TNFSF13B: variants seen among roughly 807,000 people sequenced by gnomAD.
TNFSF13B encodes the protein TNF superfamily member 13b, also known as tumor necrosis factor ligand superfamily member 13B.
Under a neutral mutation model 29.1 loss-of-function variants are expected in TNFSF13B, and 8 were observed. The ratio of observed to expected loss-of-function variants is 0.27; its 90% CI spans 0.16 to 0.50. TNFSF13B has a LOEUF of 0.50. Ranked by LOEUF, TNFSF13B falls within the 20% of genes least tolerant of loss-of-function variation. The pLI, the probability that TNFSF13B is intolerant of heterozygous loss-of-function variation, is 0.98. For synonymous variants in TNFSF13B, 125 were observed against 130.8 expected (o/e 0.96, Z 0.30); for missense variants, 248 against 334.9 (o/e 0.74, Z 2.03).
At chr13:108,282,550 G>T (rs111934182) in intron 2 of TNFSF13B, among the ~76,000 whole-genome samples, 3,109 of 152,138 alleles carry the variant, frequency 0.02, 40 homozygotes, top group Middle Eastern at 0.031. Context: ...GTGAAGTATT[G>T]AATTTTATTG....
chr13:108,275,317 GTCT>G (rs1880733626), intron 2 of TNFSF13B, among the ~76,000 whole-genome samples: 1 of 152,036 alleles, frequency 6.6e-6, no homozygotes, highest in Non-Finnish European at 1.5e-5. Context: ...AAAGATGAAT[GTCT>G]TTAGAGTCTA....
chr13:108,296,832 T>C (rs545610676), intron 3 of TNFSF13B, among the ~76,000 whole-genome samples: 1 of 145,848 alleles, frequency 6.9e-6, no homozygotes, highest in East Asian at 1.9e-4. Flanking sequence ...TTTATAACAA[T>C]GTGGTTTGAA....
intron 2 of TNFSF13B, 136 bp from the exon 3 acceptor site, chr13:108,286,667 A>G: frequency 2.3e-6 from 1 of 437,544 alleles, no homozygotes; most frequent in East Asian, 3.9e-5. Flanking sequence ...AGTAACTTTA[A>G]GAATAATGTC....
chr13:108,278,408 A>C (rs996753200), intron 2 of TNFSF13B, among the ~76,000 whole-genome samples: 1 of 152,034 alleles, frequency 6.6e-6, no homozygotes, highest in African/African-American at 2.4e-5. Flanking sequence ...CAAGGTAGAA[A>C]TAGGAAACAG....
intron 3 of TNFSF13B, 113 bp from the exon 4 acceptor site, chr13:108,303,140 T>C (rs1020110689): frequency 2.3e-5 from 17 of 755,248 alleles, no homozygotes; most frequent in Non-Finnish European, 3.3e-5. Flanking sequence ...TTTCTTTCTT[T>C]TTTTTTTAGG....
intron 2 of TNFSF13B, among the ~76,000 whole-genome samples, chr13:108,284,136 T>A (rs1247478249): frequency 1.3e-5 from 2 of 152,148 alleles, no homozygotes; most frequent in Non-Finnish European, 1.5e-5. Flanking sequence ...GAGACCATCC[T>A]GGCTAACACG....
chr13:108,270,783 A>G (rs1369219935), intron 2 of TNFSF13B, among the ~76,000 whole-genome samples: 3 of 152,202 alleles, frequency 2.0e-5, no homozygotes, highest in African/African-American at 2.4e-5. Context: ...AAAATAAAAA[A>G]AAGCATTACA....
At position 108,293,079 on chromosome 13, in the gene TNFSF13B, AT is replaced by A. The variant is rs572256413; in HGVS notation, c.481+6224del. On this transcript the variant is annotated intron_variant, in intron 3 of 5. Coordinates refer to ENST00000375887, the MANE Select transcript of TNFSF13B (RefSeq NM_006573.5). Reference sequence around the variant, plus strand: ...TGTCTTATATTTAGGTAATTAATCTATTTTAATTCATTTTTGTATATGGTGT... The same window carrying A: ...TGTCTTATATTTAGGTAATTAATCTATTTAATTCATTTTTGTATATGGTGT... Among the ~76,000 whole-genome samples the A allele has an allele frequency of 1.9e-3, 283 of 152,194 alleles. 2 individuals carry two copies. The highest frequency in any genetic ancestry group is 5.7e-3 in the Admixed American group (87 of 15,290).
rs1221655581 is a variant in TNFSF13B, at chr13:108,292,987, G to T, written c.481+6128G>T. Among the ~76,000 whole-genome samples, 3 of 152,170 alleles carry T rather than the reference G, an allele frequency of 2.0e-5. No individual in the cohort carries two copies. In the East Asian group the frequency reaches 5.8e-4, roughly 29 times the overall value. On this transcript the variant is annotated intron_variant, in intron 3 of 5. Transcript: ENST00000375887. ...TTGTGATTTTAGTGTTATCATTGAAGAACTCATTGCCAAATTCAACATCAT... is the reference window on the plus strand; with the variant it reads ...TTGTGATTTTAGTGTTATCATTGAATAACTCATTGCCAAATTCAACATCAT...
chr13:108,299,107 A>T (rs1354197134), intron 3 of TNFSF13B, among the ~76,000 whole-genome samples: 2 of 146,482 alleles, frequency 1.4e-5, no homozygotes, highest in Admixed American at 1.3e-4. Flanking sequence ...TTAGTTCTTT[A>T]AATCTTTTAC....
chr13:108,294,384 T>A (rs1422592936), intron 3 of TNFSF13B, among the ~76,000 whole-genome samples: 1 of 151,988 alleles, frequency 6.6e-6, no homozygotes, highest in Non-Finnish European at 1.5e-5. Context: ...TTCACCATGT[T>A]GGCCAGACTG....
At chr13:108,306,510 A>AT (rs1881779513) in intron 5 of TNFSF13B, among the ~76,000 whole-genome samples, 1 of 152,012 alleles carries the variant, frequency 6.6e-6, no homozygotes, top group Non-Finnish European at 1.5e-5. Flanking sequence ...TAATAATTTA[A>AT]TATTCTATCA....
At chr13:108,282,171 T>C (rs1476816255) in intron 2 of TNFSF13B, among the ~76,000 whole-genome samples, 2 of 152,188 alleles carry the variant, frequency 1.3e-5, no homozygotes, top group African/African-American at 4.8e-5. Flanking sequence ...AGGAGGCTTC[T>C]TGAATGAGAT....
chr13:108,300,590 C>G (rs1288763480), intron 3 of TNFSF13B, among the ~76,000 whole-genome samples: 2 of 152,142 alleles, frequency 1.3e-5, no homozygotes, highest in African/African-American at 2.4e-5. Flanking sequence ...AAATTAAAAA[C>G]TATTTTATTA....
chr13:108,271,429 C>A lies in TNFSF13B; in HGVS notation c.424+1005C>A, dbSNP rs116553879. On this transcript the variant is annotated intron_variant, in intron 2 of 5. Coordinates refer to ENST00000375887, the MANE Select transcript of TNFSF13B (RefSeq NM_006573.5). Reference sequence around the variant, plus strand: ...CATAAGAAATGTAGTGAGAGATAGACCAGGGACCCTTCTATCACACACACA... The same window carrying A: ...CATAAGAAATGTAGTGAGAGATAGAACAGGGACCCTTCTATCACACACACA... Among the ~76,000 whole-genome samples the A allele has an allele frequency of 1.4e-3, 198 of 136,914 alleles. 1 individual carries two copies. Among genetic ancestry groups the A allele is most frequent in the African/African-American group, 5.0e-3 (186 of 37,076 alleles). 89.8% of individuals were successfully genotyped at this position (136,914 alleles called of 152,430 possible).
rs554851953 is a variant in TNFSF13B at position 108,302,529 on chromosome 13, C to A, written c.482-724C>A. Among the ~76,000 whole-genome samples the A allele has an allele frequency of 1.3e-4, 11 of 83,098 alleles. No homozygotes were observed. In the East Asian group the frequency reaches 9.0e-3, roughly 68 times the overall value. The allele number at this position is 83,098 out of a possible 152,430, so 54.5% of individuals were successfully genotyped here. A position where few individuals can be genotyped will look rare whatever the true frequency, so the allele number is the denominator to read the frequency against. On this transcript the variant is annotated intron_variant, in intron 3 of 5. Transcript: ENST00000375887. ...AACGCACCTACAGATTCTGGCTCAG[C>A]AATGTAGTCCCCCCATGTGCCTACT...
At chr13:108,284,216 C>A (rs1881047596) in intron 2 of TNFSF13B, among the ~76,000 whole-genome samples, 1 of 152,234 alleles carries the variant, frequency 6.6e-6, no homozygotes, top group South Asian at 2.1e-4. Context: ...GTAGTCCCAG[C>A]TACTCGGGAG....
At chr13:108,299,782 G>C (rs1434183008) in intron 3 of TNFSF13B, among the ~76,000 whole-genome samples, 1 of 152,146 alleles carries the variant, frequency 6.6e-6, no homozygotes. Flanking sequence ...GCGTATGTGT[G>C]TGTGTGGATG....
chr13:108,281,104 G>T (rs186788168), intron 2 of TNFSF13B, among the ~76,000 whole-genome samples: 1 of 152,104 alleles, frequency 6.6e-6, no homozygotes, highest in Non-Finnish European at 1.5e-5. Context: ...AAATTAGCCA[G>T]GTGTGGTGGC....
Sources: allele counts gnomAD v4.1 joint callset (sites outside exome capture counted in the v4.1 genomes callset), GRCh38; gene constraint gnomAD v4.1.1; transcripts MANE v1.5; gene names NCBI Gene and HGNC (gene_info 2026-07-23, HGNC 2026-07-21).